ERMARD: variants seen among roughly 807,000 people sequenced by gnomAD.
ERMARD encodes the protein endoplasmic reticulum membrane-associated RNA degradation protein.
Under a neutral mutation model 83.9 loss-of-function variants are expected in ERMARD, and 71 were observed. That is an observed-to-expected ratio of 0.85 (90% CI 0.70 to 1.03). The LOEUF (loss-of-function observed/expected upper bound fraction) is 1.03, where lower values mean the gene tolerates loss of function less well. Ranked by LOEUF, ERMARD falls within the 50% of genes least tolerant of loss-of-function variation. The pLI is 0.00. For synonymous variants in ERMARD, 284 were observed against 298.6 expected, an observed-to-expected ratio of 0.95 and a Z score of 0.50; for missense variants, 838 against 810.9, an observed-to-expected ratio of 1.03 and a Z score of -0.41.
rs534578817 is a variant in ERMARD, at chr6:169,769,230, C to A, written c.1060-310C>A. 3.9e-5 allele frequency among the ~76,000 whole-genome samples: 6 copies of A among 152,186 alleles called. No homozygotes were observed. In the East Asian group the frequency reaches 5.8e-4, roughly 15 times the overall value. Reference sequence around the variant, plus strand: ...CTCACACAAGAAAGAGCCGTGATTTCTTTTATTGCCTTGGAAAAGCTCATT... The same window carrying A: ...CTCACACAAGAAAGAGCCGTGATTTATTTTATTGCCTTGGAAAAGCTCATT... On this transcript the variant is annotated intron_variant, in intron 11 of 17. Coordinates refer to ENST00000366773, the MANE Select transcript of ERMARD (RefSeq NM_018341.3).
intron 10 of ERMARD, chr6:169,766,975 A>G (rs1792288210): frequency 3.5e-6 from 1 of 283,670 alleles, no homozygotes; most frequent in African/African-American, 2.2e-5. Flanking sequence ...TTTTTTGTAC[A>G]GGAAATATTC....
At chr6:169,768,047 C>A in intron 10 of ERMARD, 56 bp from the exon 11 acceptor site, 1 of 1,424,278 alleles carries the variant, frequency 7.0e-7, no homozygotes, top group Non-Finnish European at 9.9e-7. Flanking sequence ...TCTGAAAGTT[C>A]TGTATGTTTA....
intron 8 of ERMARD, among the ~76,000 whole-genome samples, chr6:169,761,027 A>G (rs192413603): frequency 6.6e-6 from 1 of 152,324 alleles, no homozygotes; most frequent in African/African-American, 2.4e-5. Flanking sequence ...TGAGTGAAAC[A>G]TGTTCAGAAT....
In ERMARD at chr6:169,753,549, T is replaced by G. The variant is rs1043504558; in HGVS notation, c.7-315T>G. Among the ~76,000 whole-genome samples the G allele has an allele frequency of 5.3e-5, 8 of 152,218 alleles. No homozygotes were observed. In the East Asian group the frequency reaches 1.5e-3, roughly 29 times the overall value. ...GTGAACTTGTATTTTTTCTTTTTTT[T>G]TTTTAAGTGAAAGGCAAGTTTATTA... On this transcript the variant is annotated intron_variant, in intron 1 of 17. Transcript: ENST00000366773.
At chr6:169,758,820 C>T (rs997869734) in intron 5 of ERMARD, 148 bp from the exon 6 acceptor site, 2 of 610,612 alleles carry the variant, frequency 3.3e-6, no homozygotes, top group Non-Finnish European at 5.7e-6. Flanking sequence ...ATTAAACACT[C>T]AGTAAATGTT....
intron 2 of ERMARD, among the ~76,000 whole-genome samples, chr6:169,754,348 A>G (rs1368461783): frequency 1.3e-5 from 2 of 152,172 alleles, no homozygotes; most frequent in Non-Finnish European, 2.9e-5. Flanking sequence ...CATGTGAATT[A>G]AGGGTAGAAA....
At chr6:169,774,146 T>C (rs1193407094) in intron 13 of ERMARD, among the ~76,000 whole-genome samples, 1 of 152,160 alleles carries the variant, frequency 6.6e-6, no homozygotes, top group Non-Finnish European at 1.5e-5. Flanking sequence ...CCATCCTGGC[T>C]AACACAGTGA....
chr6:169,751,452 T>G (rs1790061647), upstream of ERMARD: 3 of 1,613,824 alleles, frequency 1.9e-6, no homozygotes, highest in Non-Finnish European at 2.5e-6. Context: ...CGGCCTCGCT[T>G]CTCCATCTCG....
intron 3 of ERMARD, 142 bp downstream of exon 3, chr6:169,755,564 G>A: frequency 3.0e-6 from 3 of 1,009,026 alleles, no homozygotes; most frequent in African/African-American, 1.6e-5. Context: ...GAGAACCCTG[G>A]GCTATTATGC....
chr6:169,772,719 G>A lies in ERMARD; in HGVS notation c.1234-600G>A, dbSNP rs958068443. On this transcript the variant is annotated intron_variant, in intron 12 of 17. Coordinates refer to ENST00000366773, the MANE Select transcript of ERMARD (RefSeq NM_018341.3). ...TGGGAGGCAGAGGTTGCAGTGAGCCGAGATCGCGCCAGTGCACTCCAGCCT... is the reference window on the plus strand; with the variant it reads ...TGGGAGGCAGAGGTTGCAGTGAGCCAAGATCGCGCCAGTGCACTCCAGCCT... Among the ~76,000 whole-genome samples the A allele has an allele frequency of 6.5e-4, 97 of 148,392 alleles. 1 individual carries two copies. In the Middle Eastern group the frequency reaches 0.014, roughly 22 times the overall value.
chr6:169,768,935 C>T lies in ERMARD; in HGVS notation c.1060-605C>T, dbSNP rs146046892. On this transcript the variant is annotated intron_variant, in intron 11 of 17. Coordinates refer to ENST00000366773, the MANE Select transcript of ERMARD (RefSeq NM_018341.3). ...ACATTTATTCCTTCTAACAGTCAGG[C>T]GACCTAGAATCATGCTCATGTTCTG... Among the ~76,000 whole-genome samples the T allele has an allele frequency of 1.6e-4, 25 of 152,290 alleles. No homozygotes were observed. In the East Asian group the frequency reaches 4.2e-3, roughly 26 times the overall value.
rs1411588200 is a variant in ERMARD at position 169,751,633 on chromosome 6, G to A, written c.-25G>A. 1.3e-6 allele frequency: 2 copies of A among 1,571,368 alleles called. No homozygotes were observed. The highest frequency in any genetic ancestry group is 1.7e-6 in the Non-Finnish European group (2 of 1,158,126). On this transcript the variant is annotated 5_prime_UTR_variant, in exon 1 of 18. Coordinates refer to ENST00000366773, the MANE Select transcript of ERMARD (RefSeq NM_018341.3). ...GCGCAGGCGCCTGCGTCATTCACGC[G>A]CGCCGCAGCGGGGCACCGGAAGTTA... is the stretch of plus-strand genomic sequence containing the variant.
chr6:169,776,745 T>A, intron 16 of ERMARD, 72 bp downstream of exon 16: 1 of 1,538,826 alleles, frequency 6.5e-7, no homozygotes, highest in African/African-American at 1.4e-5. Context: ...GTTCTAGTCC[T>A]CACTTCCAGA....
intron 3 of ERMARD, among the ~76,000 whole-genome samples, chr6:169,756,021 ATC>A (rs1291832334): frequency 4.6e-5 from 7 of 152,184 alleles, no homozygotes; most frequent in African/African-American, 1.7e-4. Context: ...CCTTGTGTGT[ATC>A]TGTTTGAGGG....
chr6:169,769,482 G>A (rs1181776016), intron 11 of ERMARD, 58 bp from the exon 12 acceptor site: 3 of 1,479,142 alleles, frequency 2.0e-6, no homozygotes, highest in South Asian at 2.7e-5. Flanking sequence ...AGCAACACCA[G>A]GCACGTCTCT....
At position 169,773,517 on chromosome 6, in the gene ERMARD, G is replaced by C. The variant is rs1347972939; in HGVS notation, c.1317+115G>C. ...GCTGAGTCAGACTTTGAGTTGGGCA[G>C]ATCCAGCTTTTTAACCAGTGCGGGG... On this transcript the variant is annotated intron_variant, in intron 13 of 17. Coordinates refer to ENST00000366773, the MANE Select transcript of ERMARD (RefSeq NM_018341.3). 3.9e-6 allele frequency: 4 copies of C among 1,031,224 alleles called. No individual in the cohort carries two copies. The African/African-American group carries it at 6.4e-5, about 16-fold the overall frequency. 63.9% of individuals were successfully genotyped at this position (1,031,224 alleles called of 1,614,324 possible).
At chr6:169,773,232 T>C in intron 12 of ERMARD, 87 bp from the exon 13 acceptor site, 1 of 1,011,634 alleles carries the variant, frequency 9.9e-7, no homozygotes, top group Admixed American at 2.3e-5. Flanking sequence ...TAATGAGAAA[T>C]GGGGACTCTA....
At chr6:169,766,486 T>C in intron 9 of ERMARD, 152 bp from the exon 10 acceptor site, 1 of 566,642 alleles carries the variant, frequency 1.8e-6, no homozygotes, top group African/African-American at 2.0e-5. Flanking sequence ...GTCAGTGACA[T>C]TCCTCTCATA....
intron 17 of ERMARD, among the ~76,000 whole-genome samples, chr6:169,780,226 G>A (rs964309365): frequency 6.6e-6 from 1 of 152,086 alleles, no homozygotes; most frequent in African/African-American, 2.4e-5. Context: ...CTCATTGTAG[G>A]ACGCTCAGTA....
Sources: gnomAD v4.1 joint callset for allele counts (sites outside exome capture counted in the v4.1 genomes callset) on GRCh38, gnomAD v4.1.1 for gene constraint, MANE v1.5 for transcripts, NCBI Gene and HGNC (gene_info 2026-07-23, HGNC 2026-07-21) for gene names.